PPP6R3: variants seen among roughly 807,000 people sequenced by gnomAD.
The protein encoded by PPP6R3 is serine/threonine-protein phosphatase 6 regulatory subunit 3.
In PPP6R3, 38 loss-of-function variants were observed where a neutral mutation model predicts 110.7. The ratio of observed to expected loss-of-function variants is 0.34; its 90% CI spans 0.26 to 0.45. The LOEUF is 0.45. PPP6R3 is among the 20% of genes least tolerant of loss of function. The pLI is 1.00. For missense variants in PPP6R3, 870 were observed against 1,062.4 expected, an observed-to-expected ratio of 0.82 and a Z score of 2.52; for synonymous variants, 369 against 373.5, an observed-to-expected ratio of 0.99 and a Z score of 0.14.
At position 68,587,877 on chromosome 11, in the gene PPP6R3, G is replaced by T. The variant is rs117868456; in HGVS notation, c.1633-50G>T. On this transcript the variant is annotated intron_variant, in intron 15 of 23. Transcript: ENST00000393800. ...AACACAAATGGGCAAATAGTATGTA[G>T]AATATCATTAGAATCATTATATCAC... 59 of 1,421,900 alleles carry T rather than the reference G, an allele frequency of 4.1e-5. No individual in the cohort carries two copies. In the East Asian group the frequency reaches 1.2e-3, roughly 28 times the overall value. The allele number at this position is 1,421,900 out of a possible 1,614,324, so 88.1% of individuals were successfully genotyped here.
intron 13 of PPP6R3, 78 bp downstream of exon 13, chr11:68,574,302 AG>A (rs1477749367): frequency 7.3e-6 from 8 of 1,101,744 alleles, no homozygotes; most frequent in Non-Finnish European, 9.5e-6. Context: ...AAATGCATGT[AG>A]CATTTTTAAT....
chr11:68,514,399 T>A (rs1053226620), intron 1 of PPP6R3, among the ~76,000 whole-genome samples: 7 of 152,116 alleles, frequency 4.6e-5, no homozygotes, highest in South Asian at 2.1e-4. Flanking sequence ...CTTTTTTTTT[T>A]AACCTATTTC....
intron 1 of PPP6R3, among the ~76,000 whole-genome samples, chr11:68,476,005 C>G (rs1287422731): frequency 6.6e-6 from 1 of 151,792 alleles, no homozygotes; most frequent in Non-Finnish European, 1.5e-5. Context: ...AGGGGCTCTT[C>G]TCATCCCAGA....
intron 23 of PPP6R3, 122 bp from the exon 24 acceptor site, chr11:68,612,944 C>T: frequency 2.0e-6 from 3 of 1,508,336 alleles, no homozygotes; most frequent in Non-Finnish European, 1.8e-6. Context: ...TTATTAAAAA[C>T]TTACTAAGTT....
chr11:68,576,104 C>T (rs1420535633), intron 14 of PPP6R3, 61 bp downstream of exon 14: 1 of 1,257,456 alleles, frequency 8.0e-7, no homozygotes. Flanking sequence ...CCCATTTATT[C>T]AGAAAGATGT....
chr11:68,591,022 A>G (rs1271313504), intron 17 of PPP6R3, among the ~76,000 whole-genome samples: 1 of 152,152 alleles, frequency 6.6e-6, no homozygotes. Context: ...TTGTATTGCC[A>G]GGAGAGAAAT....
chr11:68,597,205 G>GA (rs2099616403), intron 19 of PPP6R3, among the ~76,000 whole-genome samples: 1 of 152,170 alleles, frequency 6.6e-6, no homozygotes, highest in Non-Finnish European at 1.5e-5. Flanking sequence ...CAGTGCAGGG[G>GA]AATGGGTACA....
intron 1 of PPP6R3, among the ~76,000 whole-genome samples, chr11:68,514,659 A>G (rs1480067125): frequency 2.7e-5 from 4 of 150,924 alleles, no homozygotes; most frequent in Non-Finnish European, 5.9e-5. Flanking sequence ...ATCTCGGCTC[A>G]CTGCAACTTC....
rs1279833456 is a variant in PPP6R3 at position 68,489,620 on chromosome 11, GC to G, written c.-158+28795del. Among the ~76,000 whole-genome samples the G allele has an allele frequency of 2.0e-5, 3 of 151,310 alleles. No homozygotes were observed. The East Asian group carries it at 5.8e-4, about 29-fold the overall frequency. On this transcript the variant is annotated intron_variant, in intron 1 of 23. Transcript: ENST00000393800. ...GAAGGTTTATGGCAACCCCGTATTT[GC>G]CAGGGTATCAGCGCCATTTTTCCAG...
intron 1 of PPP6R3, among the ~76,000 whole-genome samples, chr11:68,513,111 G>A (rs554173440): frequency 6.6e-6 from 1 of 152,160 alleles, no homozygotes; most frequent in South Asian, 2.1e-4. Flanking sequence ...AGAGACCACT[G>A]GCGTCCCTGG....
chr11:68,495,585 A>G (rs1234496732), intron 1 of PPP6R3, among the ~76,000 whole-genome samples: 2 of 152,228 alleles, frequency 1.3e-5, no homozygotes, highest in Non-Finnish European at 2.9e-5. Context: ...GAATCATACA[A>G]ACGTGGTCCT....
At chr11:68,540,487 AC>A (rs377539809) in intron 3 of PPP6R3, among the ~76,000 whole-genome samples, 8 of 152,290 alleles carry the variant, frequency 5.3e-5, no homozygotes, top group East Asian at 3.9e-4. Context: ...AGATCACAGG[AC>A]CGGGGCAAAA....
intron 5 of PPP6R3, among the ~76,000 whole-genome samples, chr11:68,550,499 G>A (rs1356285030): frequency 6.6e-6 from 1 of 151,988 alleles, no homozygotes; most frequent in Non-Finnish European, 1.5e-5. Flanking sequence ...TTCTGAATTC[G>A]GATTCCTTTT....
chr11:68,580,013 G>A (rs1401283102), intron 14 of PPP6R3, among the ~76,000 whole-genome samples: 2 of 152,354 alleles, frequency 1.3e-5, no homozygotes, highest in African/African-American at 2.4e-5. Flanking sequence ...GTGCTAAGGA[G>A]CCAACGCATG....
At chr11:68,492,862 T>C (rs2098992516) in intron 1 of PPP6R3, among the ~76,000 whole-genome samples, 1 of 152,108 alleles carries the variant, frequency 6.6e-6, no homozygotes, top group African/African-American at 2.4e-5. Context: ...TCCAGGGAGG[T>C]TTTCTTTATA....
intron 7 of PPP6R3, among the ~76,000 whole-genome samples, chr11:68,556,551 GA>G (rs779111990): frequency 0.01 from 1,119 of 108,790 alleles, 2 homozygotes; most frequent in African/African-American, 0.015. Flanking sequence ...AAAAAAAAAC[GA>G]AAAAAAAAAA....
intron 1 of PPP6R3, among the ~76,000 whole-genome samples, chr11:68,463,936 C>T (rs1033357075): frequency 6.6e-6 from 1 of 152,176 alleles, no homozygotes; most frequent in African/African-American, 2.4e-5. Flanking sequence ...AAACATCCTA[C>T]AGTGTCCAGC....
chr11:68,547,644 A>T (rs558345770), intron 4 of PPP6R3, among the ~76,000 whole-genome samples: 3 of 152,304 alleles, frequency 2.0e-5, no homozygotes, highest in East Asian at 1.9e-4. Flanking sequence ...TTTTTTTCTC[A>T]TGCTTGTTAG....
At chr11:68,521,287 T>G (rs2099163077) in intron 2 of PPP6R3, among the ~76,000 whole-genome samples, 1 of 152,224 alleles carries the variant, frequency 6.6e-6, no homozygotes, top group Non-Finnish European at 1.5e-5. Flanking sequence ...TGTAACTTCT[T>G]TGTATCTTTA....
Sources: gnomAD v4.1 joint callset for allele counts (sites outside exome capture counted in the v4.1 genomes callset) on GRCh38, gnomAD v4.1.1 for gene constraint, MANE v1.5 for transcripts, NCBI Gene and HGNC (gene_info 2026-07-23, HGNC 2026-07-21) for gene names.